Variants in UNC13D observed in about 807,000 individuals in gnomAD.
UNC13D encodes unc-13 homolog D.
In UNC13D, 115 loss-of-function variants were observed where a neutral mutation model predicts 151.7. The ratio of observed to expected loss-of-function variants is 0.76; its 90% confidence interval spans 0.65 to 0.88. The LOEUF is 0.88. Ranked by LOEUF, UNC13D falls within the 40% of genes least tolerant of loss-of-function variation. The pLI, the probability that UNC13D is intolerant of heterozygous loss-of-function variation, is 0.00. For synonymous variants in UNC13D, 588 were observed against 612.2 expected, an observed-to-expected ratio of 0.96 and a Z score of 0.58; for missense variants, 1,369 against 1,438.7, an observed-to-expected ratio of 0.95 and a Z score of 0.78.
rs1246866619 is a variant in UNC13D at position 75,833,390 on chromosome 17, T to C, written c.2368-345A>G. ...AGGTCTTCGCTCAGTTGTCACGGCC[T>C]TCCCTGGCCACCATCTAAAAATACA... On this transcript the variant is annotated intron_variant, in intron 24 of 31. Transcript: ENST00000207549. The surrounding 1 kb of genome is among the most constrained non-coding windows in gnomAD (Gnocchi z 4.0). 2.0e-5 allele frequency: 5 copies of C among 248,154 alleles called. No homozygotes were observed. The East Asian group carries it at 3.3e-4, about 17-fold the overall frequency. 15.4% of individuals were successfully genotyped at this position (248,154 alleles called of 1,614,324 possible).
At position 75,840,062 on chromosome 17, in the gene UNC13D, G is replaced by T. The variant is rs2064936586; in HGVS notation, c.907C>A (p.His303Asn). 2 of 1,613,494 alleles carry T rather than the reference G, an allele frequency of 1.2e-6. No individual in the cohort carries two copies. The highest frequency in any genetic ancestry group is 2.7e-5 in the African/African-American group (2 of 74,932). ...TGGGACACAAGCTGCTGCAGGAGGT[G>T]GAGGTGCACGGTGTAGCTCGGCTGC... ...RSQPSYTVHLHLLQQLVSHEV... is the reference protein window; with the variant it reads ...RSQPSYTVHLNLLQQLVSHEV... The change falls in exon 11 of 32, where the codon CAC becomes AAC. Residue 303 changes from histidine (H) to asparagine (N), a missense_variant. His to Asn is a moderately conservative substitution (Grantham distance 68, BLOSUM62 1). Transcript: ENST00000207549. The surrounding 1 kb of genome is among the most constrained non-coding windows in gnomAD (Gnocchi z 4.6).
intron 2 of UNC13D, 104 bp from the exon 3 acceptor site, chr17:75,843,370 AG>A (rs2064963396): frequency 6.4e-7 from 1 of 1,567,378 alleles, no homozygotes; most frequent in African/African-American, 1.4e-5. Flanking sequence ...GAGGGAGTTG[AG>A]ACCCAGGAGT....
At chr17:75,828,662 G>T in intron 31 of UNC13D, 125 bp downstream of exon 31, 1 of 1,091,972 alleles carries the variant, frequency 9.2e-7, no homozygotes, top group Non-Finnish European at 1.2e-6. Flanking sequence ...ATGGGCCGTG[G>T]CTGTCCCACT....
chr17:75,837,472 A>G (rs2064917002), intron 12 of UNC13D, among the ~76,000 whole-genome samples: 1 of 151,140 alleles, frequency 6.6e-6, no homozygotes, highest in Admixed American at 6.6e-5. Flanking sequence ...AAATTGGATT[A>G]GCTGGGCACA....
Position 75,834,263 on chromosome 17 carries a change from G to C in UNC13D, c.2298+62C>G, listed in dbSNP as rs761541044. 7.2e-4 allele frequency: 1,138 copies of C among 1,582,382 alleles called. 1 individual carries two copies. The highest frequency in any genetic ancestry group is 8.8e-4 in the Non-Finnish European group (1,032 of 1,170,564). On this transcript the variant is annotated intron_variant, in intron 23 of 31. Transcript: ENST00000207549. ...AGGGTTGGACCTTGGCCCAGGTGCT[G>C]CTGGAGCCAGGTAGGCTGAAGACGG...
chr17:75,843,886 C>T (rs1268958158), intron 1 of UNC13D: 2 of 1,372,154 alleles, frequency 1.5e-6, no homozygotes, highest in African/African-American at 1.5e-5. Context: ...GGGTCTGCTG[C>T]TCCCCGAACA....
Position 75,830,672 on chromosome 17 carries a change from A to G in UNC13D, c.2626-11T>C. On this transcript the variant is annotated splice_polypyrimidine_tract_variant and intron_variant, in intron 27 of 31. Transcript: ENST00000207549. ...GTCCCTCTGCAGAGCCTGGGAACAC[A>G]TACAGCTGAGGATCCACCTGGACTG... is the stretch of plus-strand genomic sequence containing the variant. The G allele has an allele frequency of 6.4e-7, 1 of 1,553,286 alleles. No homozygotes were observed. The highest frequency in any genetic ancestry group is 8.7e-7 in the Non-Finnish European group (1 of 1,148,642).
Position 75,836,351 on chromosome 17 carries a change from A to G in UNC13D, c.1377T>C (p.Thr459=). The G allele has an allele frequency of 6.2e-7, 1 of 1,613,968 alleles. No homozygotes were observed. ...PNTAPLPQLV[T]EALQTGTTEW... is the part of the protein sequence containing the mutation. The stretch of plus-strand genomic sequence containing the variant: ...GCGAGTACCATACCTGCAGGGCCTC[A>G]GTCACCAGCTGGGGCAATGGGGCGG... Residue 459 remains threonine (T), a synonymous_variant, in exon 15 of 32, where the codon ACT becomes ACC. Transcript: ENST00000207549.
In UNC13D at chr17:75,836,810, C is replaced by T; in HGVS notation, c.1164G>A (p.Lys388=). ...GCCACTGCATGCCTACCTGTTCTGC[C>T]TTGAGCCGACCCTGGATCCACTGGT... The part of the protein sequence containing the change: ...IEYQWIQGRL[K]AEQQEELAAS... The change falls in exon 13 of 32, where the codon AAG becomes AAA. Residue 388 remains lysine (K), a synonymous_variant. Transcript: ENST00000207549. 6.2e-7 allele frequency: 1 copy of T among 1,613,956 alleles called. No homozygotes were observed. The highest frequency in any genetic ancestry group is 1.1e-5 in the South Asian group (1 of 91,076).
intron 30 of UNC13D, 167 bp downstream of exon 30, chr17:75,829,861 A>G (rs1431670146): frequency 1.9e-6 from 2 of 1,072,134 alleles, no homozygotes; most frequent in East Asian, 5.3e-5. Context: ...GACAGGTGTG[A>G]GCCACCACAT....
In UNC13D at chr17:75,833,435, C is replaced by G. The variant is rs1026735613; in HGVS notation, c.2368-390G>C. On this transcript the variant is annotated intron_variant, in intron 24 of 31. Coordinates refer to ENST00000207549, the MANE Select transcript of UNC13D (RefSeq NM_199242.3). The surrounding 1 kb of genome is among the most constrained non-coding windows in gnomAD (Gnocchi z 4.0). ...AATACAACCCTCTGACACTTCTCAG[C>G]CGCTTCTCTGTTTTAAATTTTCTCT... is the stretch of plus-strand genomic sequence containing the variant. Among the ~76,000 whole-genome samples, 4 of 151,610 alleles carry G rather than the reference C, an allele frequency of 2.6e-5. No homozygotes were observed. The highest frequency in any genetic ancestry group is 9.8e-5 in the African/African-American group (4 of 40,942).
At position 75,835,712 on chromosome 17, in the gene UNC13D, C is replaced by A; in HGVS notation, c.1662G>T (p.Glu554Asp). 4 of 1,613,694 alleles carry A rather than the reference C, an allele frequency of 2.5e-6. No individual in the cohort carries two copies. Among genetic ancestry groups the A allele is most frequent in the East Asian group, 2.2e-5 (1 of 44,892 alleles). ...GGCTGATGTAGAGCTGGAACAGACT[C>A]TCGCCCATCTCTGGGGACACTACAT... The part of the protein sequence containing the change: ...VGDVVSPEMG[E>D]SLFQLYISLK... Residue 554 changes from glutamate (E) to aspartate (D), a missense_variant, in exon 19 of 32, where the codon GAG (glutamate) becomes GAT (aspartate). Physicochemically the swap from Glu to Asp is conservative, Grantham distance 45 (BLOSUM62 2). This residue lies in a region of UNC13D where 807 missense variants were observed against 795.5 expected (regional missense o/e 1.01). Transcript: ENST00000207549.
At chr17:75,835,145 A>G in intron 20 of UNC13D, 82 bp from the exon 21 acceptor site, 1 of 1,578,266 alleles carries the variant, frequency 6.3e-7, no homozygotes, top group Non-Finnish European at 8.6e-7. Flanking sequence ...AGCTACCATC[A>G]CCAGGCACAG....
At chr17:75,842,747 C>T in intron 5 of UNC13D, 110 bp downstream of exon 5, 1 of 1,591,214 alleles carries the variant, frequency 6.3e-7, no homozygotes, top group Non-Finnish European at 8.6e-7. Context: ...GGGGCCAGCG[C>T]TACAGGGCTT....
Position 75,844,243 on chromosome 17 carries a change from G to A in UNC13D, c.95C>T (p.Pro32Leu), listed in dbSNP as rs766863447. 6 of 1,612,192 alleles carry A rather than the reference G, an allele frequency of 3.7e-6. No homozygotes were observed. Among genetic ancestry groups the A allele is most frequent in the Middle Eastern group, 1.6e-4 (1 of 6,078 alleles). ...TACCTCCGGGGCCATTTGGGGCGGG[G>A]GATCCTGTAGATCTCTGACTCTGCG... ...RRRRVRDLQD[P>L]PPQMAPEIQP... The change falls in exon 1 of 32, where the codon CCC (proline) becomes CTC (leucine). Residue 32 changes from proline to leucine, a missense_variant. Transcript: ENST00000207549.
chr17:75,844,123 C>T lies in UNC13D; in HGVS notation c.117+98G>A, dbSNP rs188300765. 9 of 1,539,126 alleles carry T rather than the reference C, an allele frequency of 5.8e-6. No individual in the cohort carries two copies. In the East Asian group the frequency reaches 9.0e-5, roughly 15 times the overall value. The stretch of plus-strand genomic sequence containing the variant: ...CAGGGGAGGGTCGCTGGTCCCCAGT[C>T]CCAGCCTTCGAGAGGTGGGGCCAGA... On this transcript the variant is annotated intron_variant, in intron 1 of 31. Coordinates refer to ENST00000207549, the MANE Select transcript of UNC13D (RefSeq NM_199242.3).
At position 75,840,607 on chromosome 17, in the gene UNC13D, G is replaced by A. The variant is rs114861309; in HGVS notation, c.684-31C>T. ...TCAGGCAGGGTCCCATAAGGGGGACGCAGCAAGGGTCGGAAGGGATTAGGC... is the reference window on the plus strand; with the variant it reads ...TCAGGCAGGGTCCCATAAGGGGGACACAGCAAGGGTCGGAAGGGATTAGGC... On this transcript the variant is annotated intron_variant, in intron 8 of 31. Coordinates refer to ENST00000207549, the MANE Select transcript of UNC13D (RefSeq NM_199242.3). The surrounding 1 kb of genome is among the most constrained non-coding windows in gnomAD (Gnocchi z 4.6). 6.6e-4 allele frequency: 1,063 copies of A among 1,613,636 alleles called. 3 individuals are homozygous for A. The African/African-American group carries it at 0.012, about 18-fold the overall frequency.
chr17:75,840,107 C>T lies in UNC13D; in HGVS notation c.862G>A (p.Ala288Thr). The change falls in exon 11 of 32, where the codon GCC (alanine) becomes ACC (threonine). Residue 288 changes from alanine to threonine, a missense_variant. Around this residue, in one of 3 missense-constraint regions of UNC13D, gnomAD observed 550 missense variants for 609.0 expected, o/e 0.90. Coordinates refer to ENST00000207549, the MANE Select transcript of UNC13D (RefSeq NM_199242.3). This position sits in a 1 kb window ranked among gnomAD's most constrained non-coding sequence, Gnocchi z 4.6. ...LQFQLIHKRR[A>T]TSASRSQPSY... Reference sequence around the variant, plus strand: ...GGCTGCGAGCGGCTGGCCGAAGTGGCTCTCTGCAATGAGGCCTCTGTGAGC... The same window carrying T: ...GGCTGCGAGCGGCTGGCCGAAGTGGTTCTCTGCAATGAGGCCTCTGTGAGC... 1 of 1,612,690 alleles carries T rather than the reference C, an allele frequency of 6.2e-7. No individual in the cohort carries two copies. The highest frequency in any genetic ancestry group is 1.1e-5 in the South Asian group (1 of 90,988).
chr17:75,830,525 G>C (rs751649311), intron 28 of UNC13D, 43 bp from the exon 29 acceptor site: 3 of 1,582,024 alleles, frequency 1.9e-6, no homozygotes, highest in Non-Finnish European at 2.6e-6. Flanking sequence ...GTCACAGCGG[G>C]AGCGGGGTGC....
Sources: gnomAD v4.1 joint callset for allele counts (sites outside exome capture counted in the v4.1 genomes callset) on GRCh38, gnomAD v4.1.1 for gene constraint, gnomAD v4.1.1 regional missense constraint, Gnocchi (gnomAD v3.1) non-coding constraint, MANE v1.5 for transcripts, NCBI Gene and HGNC (gene_info 2026-07-23, HGNC 2026-07-21) for gene names.